Variants in TMEM170B observed in about 807,000 individuals in gnomAD.
TMEM170B encodes transmembrane protein 170B.
Under a neutral mutation model 13.0 loss-of-function variants are expected in TMEM170B, and 6 were observed. The observed-to-expected ratio is 0.46, with a 90% CI of 0.25 to 0.91. The LOEUF is 0.91. TMEM170B is among the 40% of genes least tolerant of loss of function. The pLI, the probability that TMEM170B is intolerant of heterozygous loss-of-function variation, is 0.17. For synonymous variants in TMEM170B, 61 were observed against 64.9 expected (o/e 0.94, Z 0.29); for missense variants, 138 against 165.2 (o/e 0.84, Z 0.90).
At chr6:11,554,243 G>T (rs1418818883) in intron 1 of TMEM170B, among the ~76,000 whole-genome samples, 4 of 151,960 alleles carry the variant, frequency 2.6e-5, no homozygotes, top group East Asian at 3.9e-4. Context: ...CATGGAGAAG[G>T]TTTTTTTAGG....
intron 1 of TMEM170B, among the ~76,000 whole-genome samples, chr6:11,560,179 T>G (rs1401651947): frequency 6.6e-6 from 1 of 151,794 alleles, no homozygotes; most frequent in African/African-American, 2.4e-5. Context: ...TTATTTTTTA[T>G]TTTTTGAGAC....
chr6:11,551,064 C>CAGTCAAGCTG (rs1243244906), intron 1 of TMEM170B, among the ~76,000 whole-genome samples: 1 of 152,076 alleles, frequency 6.6e-6, no homozygotes, highest in African/African-American at 2.4e-5. Flanking sequence ...TTACAGTGTC[C>CAGTCAAGCTG]AGTCAAGCTG....
chr6:11,567,616 G>A (rs1340074554), intron 2 of TMEM170B, among the ~76,000 whole-genome samples: 2 of 152,084 alleles, frequency 1.3e-5, no homozygotes, highest in Admixed American at 6.5e-5. Flanking sequence ...TCCTTCAATT[G>A]CTATTTTTTG....
At chr6:11,539,021 A>C (rs1346217133) in intron 1 of TMEM170B, among the ~76,000 whole-genome samples, 1 of 152,110 alleles carries the variant, frequency 6.6e-6, no homozygotes, top group Non-Finnish European at 1.5e-5. Flanking sequence ...TGCTTCTGAG[A>C]CATTTGATAA....
chr6:11,542,288 G>A (rs1350833754), intron 1 of TMEM170B, among the ~76,000 whole-genome samples: 1 of 152,122 alleles, frequency 6.6e-6, no homozygotes, highest in Admixed American at 6.5e-5. Flanking sequence ...TTAACTCCTG[G>A]CCAGCTTCAA....
chr6:11,567,286 C>T (rs148952834), intron 2 of TMEM170B, among the ~76,000 whole-genome samples: 1 of 152,312 alleles, frequency 6.6e-6, no homozygotes, highest in Admixed American at 6.5e-5. Flanking sequence ...TCTGTGACTG[C>T]CAATGCAGAG....
At chr6:11,541,090 G>A (rs1277154091) in intron 1 of TMEM170B, among the ~76,000 whole-genome samples, 1 of 152,116 alleles carries the variant, frequency 6.6e-6, no homozygotes, top group African/African-American at 2.4e-5. Context: ...CACAGCCAGG[G>A]TAGATTTAGC....
intron 1 of TMEM170B, among the ~76,000 whole-genome samples, chr6:11,547,521 T>A (rs1320266267): frequency 6.6e-6 from 1 of 152,212 alleles, no homozygotes; most frequent in Non-Finnish European, 1.5e-5. Context: ...TTTACTTTTT[T>A]AAAAAATGTG....
chr6:11,549,340 G>A (rs1052059556), intron 1 of TMEM170B, among the ~76,000 whole-genome samples: 1 of 152,142 alleles, frequency 6.6e-6, no homozygotes, highest in Non-Finnish European at 1.5e-5. Context: ...AATAATCATA[G>A]AATAAACAGT....
At chr6:11,546,551 G>A (rs1440891006) in intron 1 of TMEM170B, among the ~76,000 whole-genome samples, 3 of 152,062 alleles carry the variant, frequency 2.0e-5, no homozygotes, top group Non-Finnish European at 4.4e-5. Context: ...GCAACTTCCA[G>A]GCCTGCAAGC....
At chr6:11,558,926 G>T (rs1216348105) in intron 1 of TMEM170B, among the ~76,000 whole-genome samples, 1 of 152,174 alleles carries the variant, frequency 6.6e-6, no homozygotes, top group African/African-American at 2.4e-5. Flanking sequence ...GAAGTCAGCA[G>T]ACATTTTCTG....
intron 2 of TMEM170B, among the ~76,000 whole-genome samples, chr6:11,571,857 C>G (rs1027015469): frequency 6.6e-6 from 1 of 151,660 alleles, no homozygotes; most frequent in Non-Finnish European, 1.5e-5. Context: ...AAAAGACAAC[C>G]CGGTAGAAAA....
chr6:11,576,236 C>T lies in TMEM170B; in HGVS notation c.*675C>T, dbSNP rs1759873187. The T allele has an allele frequency of 6.6e-6, 1 of 152,154 alleles. No homozygotes were observed. Among genetic ancestry groups the T allele is most frequent in the South Asian group, 2.1e-4 (1 of 4,836 alleles). The allele number at this position is 152,154 out of a possible 1,614,324, so 9.4% of individuals were successfully genotyped here. ...GAACTCAGAGTAGCTCTATAGGGTG[C>T]ATACTTTTCACCAACTTAAGTAACA... On this transcript the variant is annotated 3_prime_UTR_variant, in exon 3 of 3. Coordinates refer to ENST00000379426, the MANE Select transcript of TMEM170B (RefSeq NM_001100829.3).
chr6:11,571,080 A>T (rs1759793817), intron 2 of TMEM170B, among the ~76,000 whole-genome samples: 1 of 152,036 alleles, frequency 6.6e-6, no homozygotes, highest in Admixed American at 6.6e-5. Context: ...CATTATCAAA[A>T]CTAATTCTTG....
At chr6:11,539,425 A>C (rs1759329737) in intron 1 of TMEM170B, among the ~76,000 whole-genome samples, 1 of 152,240 alleles carries the variant, frequency 6.6e-6, no homozygotes, top group South Asian at 2.1e-4. Flanking sequence ...TATTTTACAA[A>C]TATAACCTGG....
At chr6:11,568,031 A>C (rs913188965) in intron 2 of TMEM170B, among the ~76,000 whole-genome samples, 7 of 152,216 alleles carry the variant, frequency 4.6e-5, no homozygotes, top group African/African-American at 7.2e-5. Context: ...CTCGATCCCC[A>C]AAAATAAAAC....
Position 11,578,853 on chromosome 6 carries a change from G to A in TMEM170B, c.*3292G>A, listed in dbSNP as rs528043861. ...ACGGGATAATTTGAAATCACAGAAT[G>A]TTGTGGGAAAGGTCTTTAAAGAACC... On this transcript the variant is annotated 3_prime_UTR_variant, in exon 3 of 3. Transcript: ENST00000379426. 10 of 152,280 alleles carry A rather than the reference G, an allele frequency of 6.6e-5. No homozygotes were observed. In the South Asian group the frequency reaches 1.0e-3, roughly 16 times the overall value. The allele number at this position is 152,280 out of a possible 1,614,324, so 9.4% of individuals were successfully genotyped here. A position where few individuals can be genotyped will look rare whatever the true frequency, so the allele number is the denominator to read the frequency against.
At chr6:11,573,335 A>C (rs376083577) in intron 2 of TMEM170B, among the ~76,000 whole-genome samples, 50 of 152,288 alleles carry the variant, frequency 3.3e-4, no homozygotes, top group African/African-American at 1.2e-3. Context: ...AATGGCTACC[A>C]GTCATTCCAA....
intron 1 of TMEM170B, among the ~76,000 whole-genome samples, chr6:11,539,792 A>C (rs1461562092): frequency 6.6e-6 from 1 of 152,182 alleles, no homozygotes; most frequent in African/African-American, 2.4e-5. Context: ...ACTGTTTGGT[A>C]TTTGAACTGT....
Sources: allele counts gnomAD v4.1 joint callset (sites outside exome capture counted in the v4.1 genomes callset), GRCh38; gene constraint gnomAD v4.1.1; transcripts MANE v1.5; gene names NCBI Gene and HGNC (gene_info 2026-07-23, HGNC 2026-07-21).